COL19A1: variants seen among roughly 807,000 people sequenced by gnomAD.
COL19A1 encodes the protein collagen alpha-1(XIX) chain.
A neutral mutation model predicts 190.2 loss-of-function variants in COL19A1; 159 were observed. The ratio of observed to expected loss-of-function variants is 0.84; its 90% CI spans 0.73 to 0.95. The LOEUF is 0.95. Ranked by LOEUF, COL19A1 falls within the 40% of genes least tolerant of loss-of-function variation. COL19A1 has a pLI of 0.00. For missense variants in COL19A1, 1,418 were observed against 1,431.9 expected (o/e 0.99, Z 0.16); for synonymous variants, 509 against 458.9 (o/e 1.11, Z -1.39).
intron 11 of COL19A1, among the ~76,000 whole-genome samples, chr6:70,021,611 G>T (rs1377106445): frequency 6.6e-6 from 1 of 152,014 alleles, no homozygotes; most frequent in South Asian, 2.1e-4. Flanking sequence ...GTATTTGTGA[G>T]CCTTTTAATT....
intron 4 of COL19A1, among the ~76,000 whole-genome samples, chr6:69,921,491 T>TATATATCATATATATTCATATATTC (rs1561998640): frequency 2.6e-5 from 3 of 113,586 alleles, no homozygotes; most frequent in Non-Finnish European, 5.1e-5. Context: ...TATATATTCA[T>TATATATCATATATATTCATATATTC]ATATATTCAT....
intron 18 of COL19A1, among the ~76,000 whole-genome samples, chr6:70,133,095 A>G (rs942045855): frequency 6.6e-6 from 1 of 152,170 alleles, no homozygotes; most frequent in Non-Finnish European, 1.5e-5. Context: ...CATTCTTAGC[A>G]CCTGGTCTTG....
chr6:69,874,587 T>C (rs1342081454), intron 1 of COL19A1, among the ~76,000 whole-genome samples: 1 of 151,900 alleles, frequency 6.6e-6, no homozygotes, highest in African/African-American at 2.4e-5. Context: ...CCATCTCTAC[T>C]AAAAATACAA....
chr6:70,113,587 G>A (rs1382342006), intron 16 of COL19A1, among the ~76,000 whole-genome samples: 4 of 151,920 alleles, frequency 2.6e-5, no homozygotes, highest in Non-Finnish European at 5.9e-5. Flanking sequence ...CATCTTATAA[G>A]CGCGAAGGCT....
Position 70,121,911 on chromosome 6 carries a change from C to G in COL19A1, c.1310C>G (p.Thr437Ser), listed in dbSNP as rs752348728. The G allele has an allele frequency of 1.3e-6, 2 of 1,590,394 alleles. No homozygotes were observed. The highest frequency in any genetic ancestry group is 1.4e-5 in the African/African-American group (1 of 73,770). ...CCTGGAATACAAGGAATACACCAAA[C>G]TCTTGGTGGATATTATAACAAGGAT... ...GPPGIQGIHQ[T>S]LGGYYNKDNK... is the part of the protein sequence containing the mutation. The change falls in exon 17 of 51, where the codon ACT becomes AGT. Residue 437 changes from threonine (T) to serine (S), a missense_variant. Transcript: ENST00000620364.
intron 10 of COL19A1, among the ~76,000 whole-genome samples, chr6:69,962,464 A>G (rs758462546): frequency 6.6e-6 from 1 of 152,236 alleles, no homozygotes; most frequent in Non-Finnish European, 1.5e-5. Context: ...AATAGTAATT[A>G]TAAGAAGAAT....
At chr6:70,176,828 A>G (rs775140620) in intron 42 of COL19A1, among the ~76,000 whole-genome samples, 1 of 152,204 alleles carries the variant, frequency 6.6e-6, no homozygotes, top group South Asian at 2.1e-4. Flanking sequence ...CACAGTTACT[A>G]TACATTAATT....
At chr6:70,087,557 A>G (rs1186843981) in intron 15 of COL19A1, among the ~76,000 whole-genome samples, 1 of 152,150 alleles carries the variant, frequency 6.6e-6, no homozygotes, top group Non-Finnish European at 1.5e-5. Context: ...CAGGTCATTC[A>G]TTATAAGGAG....
chr6:70,179,918 C>T (rs186062269), intron 42 of COL19A1, among the ~76,000 whole-genome samples: 5 of 152,110 alleles, frequency 3.3e-5, no homozygotes, highest in Admixed American at 1.3e-4. Context: ...AGTCTCACTC[C>T]GTCACCCAGG....
chr6:70,183,533 C>G (rs1766315012), intron 44 of COL19A1, among the ~76,000 whole-genome samples: 1 of 152,196 alleles, frequency 6.6e-6, no homozygotes, highest in Non-Finnish European at 1.5e-5. Flanking sequence ...TTCTCTTATT[C>G]AAGTGACACA....
At chr6:69,876,269 G>A (rs796393148) in intron 1 of COL19A1, among the ~76,000 whole-genome samples, 4 of 152,294 alleles carry the variant, frequency 2.6e-5, no homozygotes, top group South Asian at 2.1e-4. Context: ...AGTGGCTCAA[G>A]GAAGTAATTA....
intron 11 of COL19A1, among the ~76,000 whole-genome samples, chr6:69,990,799 T>C (rs1776576094): frequency 1.3e-5 from 2 of 152,128 alleles, no homozygotes; most frequent in Middle Eastern, 3.2e-3. Context: ...ATTGCAGCCA[T>C]TGATCATCAA....
rs377262530 is a variant in COL19A1 at position 70,188,478 on chromosome 6, AG to A, written c.3027+234del. 6.3e-3 allele frequency among the ~76,000 whole-genome samples: 960 copies of A among 152,306 alleles called. 12 individuals carry two copies. Among genetic ancestry groups the A allele is most frequent in the African/African-American group, 0.02 (812 of 41,564 alleles). ...TTCTGGAAGGATTGGTGTCCTTTTC[AG>A]CCCAGTTTTATAAACGCATAAAATG... On this transcript the variant is annotated intron_variant, in intron 47 of 50. Transcript: ENST00000620364.
intron 9 of COL19A1, among the ~76,000 whole-genome samples, chr6:69,946,670 C>T (rs1045189467): frequency 1.3e-5 from 2 of 151,848 alleles, no homozygotes; most frequent in African/African-American, 4.8e-5. Flanking sequence ...AATTAACGCA[C>T]CCCTTAAAAG....
At chr6:70,040,920 T>C (rs1225104934) in intron 14 of COL19A1, among the ~76,000 whole-genome samples, 2 of 152,304 alleles carry the variant, frequency 1.3e-5, no homozygotes, top group East Asian at 3.9e-4. Flanking sequence ...ATATTGAAAT[T>C]CAAGAACAAA....
In COL19A1 at chr6:70,121,599, T is replaced by C. The variant is rs1784881319; in HGVS notation, c.1279-281T>C. Among the ~76,000 whole-genome samples the C allele has an allele frequency of 2.0e-5, 3 of 152,190 alleles. No individual in the cohort carries two copies. The South Asian group carries it at 6.2e-4, about 31-fold the overall frequency. Reference sequence around the variant, plus strand: ...GGGAGGGTCTTATGGGTATAATTCCTTTCAATAAAGAATATGCTGAGGGCT... The same window carrying C: ...GGGAGGGTCTTATGGGTATAATTCCCTTCAATAAAGAATATGCTGAGGGCT... On this transcript the variant is annotated intron_variant, in intron 16 of 50. Coordinates refer to ENST00000620364, the MANE Select transcript of COL19A1 (RefSeq NM_001858.6).
chr6:70,138,445 TA>T (rs1188780980), intron 19 of COL19A1, among the ~76,000 whole-genome samples: 1 of 152,106 alleles, frequency 6.6e-6, no homozygotes. Context: ...ATGCTTCTTT[TA>T]AAAAAGCAGT....
intron 48 of COL19A1, among the ~76,000 whole-genome samples, chr6:70,193,869 A>G (rs1310241701): frequency 6.6e-6 from 1 of 152,220 alleles, no homozygotes; most frequent in African/African-American, 2.4e-5. Context: ...AACACCATTT[A>G]CAAAAAAGAA....
At chr6:70,141,397 A>C (rs1786239802) in intron 20 of COL19A1, among the ~76,000 whole-genome samples, 1 of 152,154 alleles carries the variant, frequency 6.6e-6, no homozygotes. Context: ...TTTAAAAAGC[A>C]AACTTATTAT....
Sources: allele counts gnomAD v4.1 joint callset (sites outside exome capture counted in the v4.1 genomes callset), GRCh38; gene constraint gnomAD v4.1.1; transcripts MANE v1.5; gene names NCBI Gene and HGNC (gene_info 2026-07-23, HGNC 2026-07-21).